MCM9: variants seen among roughly 807,000 people sequenced by gnomAD.
MCM9 encodes DNA helicase MCM9.
In MCM9, 55 loss-of-function variants were observed where a neutral mutation model predicts 72.8. That is an observed-to-expected ratio of 0.76 (90% confidence interval 0.61 to 0.95). The LOEUF (loss-of-function observed/expected upper bound fraction) is 0.95, where lower values mean the gene tolerates loss of function less well. Among genes scored for constraint, MCM9 ranks in the 40% least tolerant of loss-of-function variants. MCM9 has a pLI of 0.00. For missense variants in MCM9, 1,279 were observed against 1,377.0 expected (o/e 0.93, Z 1.13); for synonymous variants, 480 against 503.4 (o/e 0.95, Z 0.62).
chr6:118,917,189 A>G (rs1781034544), intron 6 of MCM9, among the ~76,000 whole-genome samples: 1 of 152,210 alleles, frequency 6.6e-6, no homozygotes, highest in South Asian at 2.1e-4. Flanking sequence ...TTAGATCTTT[A>G]TTATTGAAAA....
At chr6:118,894,842 C>G (rs929233092) in intron 8 of MCM9, among the ~76,000 whole-genome samples, 33 of 152,226 alleles carry the variant, frequency 2.2e-4, no homozygotes, top group Admixed American at 1.4e-3. Flanking sequence ...GAGGTCGCGC[C>G]GGGCTGGCTC....
intron 9 of MCM9, among the ~76,000 whole-genome samples, chr6:118,843,893 A>AACATGGTGAAACCCCATCTCTACT: frequency 2.0e-5 from 3 of 151,336 alleles, no homozygotes; most frequent in African/African-American, 7.3e-5. Context: ...GAAAGAAAGC[A>AACATGGTGAAACCCCATCTCTACT]AAAGCAGACA....
chr6:118,862,711 G>A (rs187210788), intron 8 of MCM9, among the ~76,000 whole-genome samples: 5 of 152,160 alleles, frequency 3.3e-5, no homozygotes, highest in Non-Finnish European at 5.9e-5. Context: ...CTTGCCTGCC[G>A]CTTACCTCCT....
chr6:118,841,683 G>A (rs867704766), intron 9 of MCM9, among the ~76,000 whole-genome samples: 4 of 152,136 alleles, frequency 2.6e-5, no homozygotes, highest in African/African-American at 9.7e-5. Flanking sequence ...TACAATAAAC[G>A]TTTACTTGCC....
chr6:118,894,312 C>T lies in MCM9; in HGVS notation c.1150+17338G>A. On this transcript the variant is annotated intron_variant, in intron 8 of 13. Transcript: ENST00000619706. ...AAGTCGCCGCTGCACGACGTCTGGC[C>T]GGCGCTGGAGCGGGGGTCTGCGCTC... 5.3e-6 allele frequency: 8 copies of T among 1,500,670 alleles called. No individual in the cohort carries two copies. In the Admixed American group the frequency reaches 6.7e-5, roughly 13 times the overall value. 93.0% of individuals were successfully genotyped at this position (1,500,670 alleles called of 1,614,324 possible).
Position 118,905,977 on chromosome 6 carries a change from C to G in MCM9, c.1150+5673G>C, listed in dbSNP as rs1583620149. The G allele has an allele frequency of 1.4e-5, 8 of 574,324 alleles. No homozygotes were observed. In the East Asian group the frequency reaches 2.4e-4, roughly 17 times the overall value. The allele number at this position is 574,324 out of a possible 1,614,324, so 35.6% of individuals were successfully genotyped here. A position where few individuals can be genotyped will look rare whatever the true frequency, so the allele number is the denominator to read the frequency against. ...CCAACTGGGCAAACTAATTATTGTT[C>G]CATTACCATGGATGACTTCAAACCC... On this transcript the variant is annotated intron_variant, in intron 8 of 13. Transcript: ENST00000619706.
intron 13 of MCM9, 55 bp downstream of exon 13, chr6:118,826,092 T>G (rs1774149390): frequency 6.6e-7 from 1 of 1,516,656 alleles, no homozygotes; most frequent in African/African-American, 1.4e-5. Flanking sequence ...TTTGTTTCAC[T>G]AAATGCCAAA....
At chr6:118,828,173 C>A in intron 10 of MCM9, 43 bp from the exon 11 acceptor site, 1 of 1,419,502 alleles carries the variant, frequency 7.0e-7, no homozygotes, top group South Asian at 1.3e-5. Flanking sequence ...TTAGGACAGG[C>A]AAACATCTCA....
chr6:118,894,462 C>T, intron 8 of MCM9: 2 of 1,537,190 alleles, frequency 1.3e-6, no homozygotes, highest in Non-Finnish European at 1.7e-6. Flanking sequence ...TAACCCTTCT[C>T]CTTTCTACAA....
At chr6:118,904,309 A>G (rs1440753151) in intron 8 of MCM9, among the ~76,000 whole-genome samples, 1 of 152,212 alleles carries the variant, frequency 6.6e-6, no homozygotes, top group Non-Finnish European at 1.5e-5. Flanking sequence ...TAGCGATTTT[A>G]TGCCTTTTTG....
intron 11 of MCM9, 52 bp downstream of exon 11, chr6:118,827,875 C>A: frequency 1.3e-6 from 2 of 1,514,370 alleles, no homozygotes; most frequent in Non-Finnish European, 1.8e-6. Context: ...AGCCCCATGC[C>A]TTGCACACAC....
At chr6:118,856,733 G>T (rs1404201745) in intron 8 of MCM9, among the ~76,000 whole-genome samples, 188 bp from the exon 9 acceptor site, 5 of 151,994 alleles carry the variant, frequency 3.3e-5, no homozygotes, top group African/African-American at 1.2e-4. Context: ...TTAAAAATTT[G>T]CTGGGCACAG....
intron 9 of MCM9, among the ~76,000 whole-genome samples, chr6:118,838,585 T>C (rs1430404675): frequency 6.6e-6 from 1 of 151,792 alleles, no homozygotes; most frequent in Non-Finnish European, 1.5e-5. Context: ...CCACCACACC[T>C]GGCTTTTTTG....
rs33980013 is a variant in MCM9 at position 118,902,528 on chromosome 6, C to CTTT, written c.1150+9119_1150+9121dup. On this transcript the variant is annotated intron_variant, in intron 8 of 13. Transcript: ENST00000619706. ...CCTGGGTTGACAGGTACTGATAATA[C>CTTT]TTTTTTTTTTTTTTTTTTGGCTACT... Among the ~76,000 whole-genome samples the CTTT allele has an allele frequency of 7.8e-4, 103 of 131,456 alleles. 1 individual carries two copies. Among genetic ancestry groups the CTTT allele is most frequent in the African/African-American group, 2.6e-3 (91 of 35,198 alleles). 86.2% of individuals were successfully genotyped at this position (131,456 alleles called of 152,430 possible). A position where few individuals can be genotyped will look rare whatever the true frequency, so the allele number is the denominator to read the frequency against.
chr6:118,874,032 T>C (rs532395425), intron 8 of MCM9, among the ~76,000 whole-genome samples: 54 of 152,194 alleles, frequency 3.5e-4, no homozygotes, highest in African/African-American at 1.2e-3. Flanking sequence ...GGTGGGCGGA[T>C]TGCTTGAGCC....
chr6:118,864,809 T>C (rs183199267), intron 8 of MCM9, among the ~76,000 whole-genome samples: 54 of 152,300 alleles, frequency 3.5e-4, no homozygotes, highest in Middle Eastern at 6.8e-3. Context: ...TGTGGTGGTT[T>C]GCTATGGGCA....
chr6:118,843,716 A>ATATG (rs1775654724), intron 9 of MCM9, among the ~76,000 whole-genome samples: 1 of 79,694 alleles, frequency 1.3e-5, no homozygotes, highest in African/African-American at 5.3e-5. Flanking sequence ...ATGTATATAT[A>ATATG]TATGTATATA....
At chr6:118,934,599 C>G (rs1038278846) in intron 1 of MCM9, 2 of 152,016 alleles carry the variant, frequency 1.3e-5, no homozygotes, top group African/African-American at 4.8e-5. Context: ...GGGGGCGCGC[C>G]ATTTCGCGCC....
chr6:118,845,108 A>G (rs998941779), intron 9 of MCM9, among the ~76,000 whole-genome samples: 6 of 151,784 alleles, frequency 4.0e-5, no homozygotes, highest in African/African-American at 1.5e-4. Flanking sequence ...GTCTCTCTAG[A>G]GGGCATTTGA....
Sources: allele counts gnomAD v4.1 joint callset (sites outside exome capture counted in the v4.1 genomes callset), GRCh38; gene constraint gnomAD v4.1.1; transcripts MANE v1.5; gene names NCBI Gene and HGNC (gene_info 2026-07-23, HGNC 2026-07-21).